USP45: variants seen among roughly 807,000 people sequenced by gnomAD.
The protein encoded by USP45 is ubiquitin specific peptidase 45, also known as ubiquitin carboxyl-terminal hydrolase 45.
A neutral mutation model predicts 95.8 loss-of-function variants in USP45; 89 were observed. The observed-to-expected ratio is 0.93, with a 90% CI of 0.78 to 1.11. The LOEUF is 1.11. Ranked by LOEUF, USP45 falls within the 50% of genes least tolerant of loss-of-function variation. The pLI, the probability that USP45 is intolerant of heterozygous loss-of-function variation, is 0.00. For missense variants in USP45, 898 were observed against 942.5 expected (o/e 0.95, Z 0.62); for synonymous variants, 281 against 316.2 (o/e 0.89, Z 1.18).
At chr6:99,462,323 C>T in intron 13 of USP45, 1 of 985,084 alleles carries the variant, frequency 1.0e-6, no homozygotes, top group Non-Finnish European at 1.2e-6. Context: ...TTCTCAGTTC[C>T]TAACCAATAC....
At chr6:99,504,219 C>T (rs1798012865) in intron 4 of USP45, among the ~76,000 whole-genome samples, 1 of 152,248 alleles carries the variant, frequency 6.6e-6, no homozygotes, top group Non-Finnish European at 1.5e-5. Context: ...CAGCTCACTG[C>T]AGCCTCTGCC....
At chr6:99,440,641 C>CTG (rs1399579140) in intron 15 of USP45, among the ~76,000 whole-genome samples, 7 of 152,144 alleles carry the variant, frequency 4.6e-5, no homozygotes, top group African/African-American at 9.7e-5. Flanking sequence ...CACAAGTTTA[C>CTG]TGTAGATCTG....
chr6:99,495,896 C>G (rs1286661253), intron 5 of USP45, among the ~76,000 whole-genome samples: 2 of 152,118 alleles, frequency 1.3e-5, no homozygotes, highest in Non-Finnish European at 2.9e-5. Context: ...TGGAAGGATA[C>G]TAGTTATGTG....
chr6:99,463,354 T>C (rs1452336013), intron 13 of USP45, among the ~76,000 whole-genome samples: 1 of 151,902 alleles, frequency 6.6e-6, no homozygotes, highest in East Asian at 1.9e-4. Flanking sequence ...CACCTAAAAG[T>C]TTTCTTGCTA....
chr6:99,466,550 CATT>C, intron 11 of USP45, 119 bp downstream of exon 11: 1 of 730,872 alleles, frequency 1.4e-6, no homozygotes, highest in African/African-American at 1.8e-5. Flanking sequence ...TTTCAAGAAT[CATT>C]ATGTAATCAT....
chr6:99,466,837 GTTATT>G, intron 10 of USP45, 74 bp from the exon 11 acceptor site: 1 of 1,099,808 alleles, frequency 9.1e-7, no homozygotes, highest in Non-Finnish European at 1.4e-6. Context: ...CTATCTTCTG[GTTATT>G]CAAAAGTAAT....
chr6:99,482,816 C>G lies in USP45; in HGVS notation c.782G>C (p.Ser261Thr). The change falls in exon 8 of 18, where the codon AGC becomes ACC. Residue 261 changes from serine (S) to threonine (T), a missense_variant. Transcript: ENST00000500704. ...LTSALFLFLHSMKETEKGPLS... is the reference protein window; with the variant it reads ...LTSALFLFLHTMKETEKGPLS... ...TGGTCCTTTTTCAGTCTCCTTCATG[C>G]TGTGAAGAAACAGGAACAAGGCTGA... is the stretch of plus-strand genomic sequence containing the variant. 1 of 1,606,814 alleles carries G rather than the reference C, an allele frequency of 6.2e-7. No individual in the cohort carries two copies.
chr6:99,441,973 G>A (rs1363206036), intron 15 of USP45, among the ~76,000 whole-genome samples: 1 of 152,162 alleles, frequency 6.6e-6, no homozygotes, highest in African/African-American at 2.4e-5. Flanking sequence ...CCATAGAGAA[G>A]GCGTTCAGGG....
intron 5 of USP45, among the ~76,000 whole-genome samples, chr6:99,492,785 C>T (rs1383882123): frequency 6.6e-6 from 1 of 152,164 alleles, no homozygotes; most frequent in Non-Finnish European, 1.5e-5. Context: ...AGGCCCCGCA[C>T]TTGGCCAGAA....
At chr6:99,468,064 C>T in intron 10 of USP45, 4 of 444,510 alleles carry the variant, frequency 9.0e-6, no homozygotes, top group Admixed American at 7.3e-5. Flanking sequence ...ATAGCAAACA[C>T]TAGGAGTAGG....
At chr6:99,492,156 A>C (rs1314894809) in intron 5 of USP45, among the ~76,000 whole-genome samples, 1 of 152,224 alleles carries the variant, frequency 6.6e-6, no homozygotes, top group Non-Finnish European at 1.5e-5. Context: ...TCTGGACAAA[A>C]CTGCAGGCAA....
intron 13 of USP45, chr6:99,461,140 A>C: frequency 1.0e-6 from 1 of 983,362 alleles, no homozygotes; most frequent in Non-Finnish European, 1.2e-6. Context: ...TAATATACTT[A>C]TGTGTTGAAG....
chr6:99,439,905 T>C (rs1781209818), intron 15 of USP45, 50 bp from the exon 16 acceptor site: 1 of 1,449,140 alleles, frequency 6.9e-7, no homozygotes, highest in Non-Finnish European at 9.4e-7. Flanking sequence ...AAATAAAGCA[T>C]TGTCTTTGTT....
intron 13 of USP45, among the ~76,000 whole-genome samples, chr6:99,447,964 A>C (rs1246095232): frequency 2.0e-5 from 3 of 152,368 alleles, no homozygotes; most frequent in South Asian, 2.1e-4. Flanking sequence ...GCAAACTCCA[A>C]CAGACCTGCA....
intron 13 of USP45, among the ~76,000 whole-genome samples, chr6:99,453,358 A>G (rs898348249): frequency 6.6e-6 from 1 of 152,144 alleles, no homozygotes; most frequent in Non-Finnish European, 1.5e-5. Context: ...TAGCGTTTCT[A>G]TACACTAACA....
intron 2 of USP45, 86 bp from the exon 3 acceptor site, chr6:99,508,868 GC>G: frequency 8.4e-7 from 1 of 1,197,036 alleles, no homozygotes; most frequent in Non-Finnish European, 1.1e-6. Context: ...AGTATTAAAT[GC>G]TGTTAACTAA....
intron 8 of USP45, among the ~76,000 whole-genome samples, chr6:99,476,876 A>C (rs1791008644): frequency 6.6e-6 from 1 of 152,230 alleles, no homozygotes; most frequent in Non-Finnish European, 1.5e-5. Flanking sequence ...AGGACTTGAT[A>C]ATTAAATTTC....
At chr6:99,479,439 C>A (rs2128694060) in intron 8 of USP45, among the ~76,000 whole-genome samples, 1 of 151,854 alleles carries the variant, frequency 6.6e-6, no homozygotes, top group East Asian at 1.9e-4. Context: ...TGGCCTCAGG[C>A]AGTTCTCCCA....
At chr6:99,477,104 T>C (rs952209376) in intron 8 of USP45, among the ~76,000 whole-genome samples, 1 of 152,184 alleles carries the variant, frequency 6.6e-6, no homozygotes, top group African/African-American at 2.4e-5. Context: ...TTAGAATATA[T>C]TATAGTAGAA....
Sources: gnomAD v4.1 joint callset for allele counts (sites outside exome capture counted in the v4.1 genomes callset) on GRCh38, gnomAD v4.1.1 for gene constraint, MANE v1.5 for transcripts, NCBI Gene and HGNC (gene_info 2026-07-23, HGNC 2026-07-21) for gene names.